The following F13A1 variants were observed in gnomAD, a reference collection of about 807,000 sequenced individuals.
F13A1 encodes the protein coagulation factor XIII A chain, also known as FSF, A subunit.
Under a neutral mutation model 80.1 loss-of-function variants are expected in F13A1, and 47 were observed. The ratio of observed to expected loss-of-function variants is 0.59; its 90% CI spans 0.46 to 0.75. F13A1 has a LOEUF of 0.75. Among genes scored for constraint, F13A1 ranks in the 30% least tolerant of loss-of-function variants. F13A1 has a pLI of 0.00. For missense variants in F13A1, 817 were observed against 930.4 expected (o/e 0.88, Z 1.59); for synonymous variants, 349 against 344.9 (o/e 1.01, Z -0.13).
intron 2 of F13A1, among the ~76,000 whole-genome samples, chr6:6,314,441 T>C (rs544002036): frequency 5.9e-5 from 9 of 152,298 alleles, no homozygotes; most frequent in Non-Finnish European, 1.2e-4. Context: ...TCTTTCATCT[T>C]TTAGTCCCTC....
At chr6:6,224,448 G>C (rs563661013) in intron 7 of F13A1, among the ~76,000 whole-genome samples, 2 of 152,048 alleles carry the variant, frequency 1.3e-5, no homozygotes, top group South Asian at 4.2e-4. Flanking sequence ...TTAAGTGATG[G>C]ATTACACAGG....
chr6:6,185,885 T>C (rs999398217), intron 10 of F13A1, among the ~76,000 whole-genome samples: 1 of 151,224 alleles, frequency 6.6e-6, no homozygotes, highest in African/African-American at 2.4e-5. Flanking sequence ...CAGCACCTGT[T>C]GTTTCCTGAC....
chr6:6,236,884 C>T (rs9504730), intron 6 of F13A1, among the ~76,000 whole-genome samples: 24,469 of 152,054 alleles, frequency 0.16, 2,493 homozygotes, highest in African/African-American at 0.26. Context: ...TGTAGAAAAT[C>T]GTTTCCAGGT....
At chr6:6,171,293 A>G (rs1434151096) in intron 12 of F13A1, among the ~76,000 whole-genome samples, 2 of 152,150 alleles carry the variant, frequency 1.3e-5, no homozygotes, top group Non-Finnish European at 2.9e-5. Flanking sequence ...TTTGCCTCTC[A>G]TTGCTGTGTG....
rs144367226 is a variant in F13A1, at chr6:6,177,077, G to T, written c.1460-2210C>A. Among the ~76,000 whole-genome samples the T allele has an allele frequency of 7.6e-3, 1,157 of 152,284 alleles. 15 individuals are homozygous for T. The highest frequency in any genetic ancestry group is 0.026 in the African/African-American group (1,076 of 41,556). ...ATTCCTGTTTCTCTACAGTTATGCT[G>T]CGTGCTCTGGCATCTTACATAATTC... On this transcript the variant is annotated intron_variant, in intron 11 of 14. Transcript: ENST00000264870.
At chr6:6,209,231 A>G (rs1761552194) in intron 8 of F13A1, among the ~76,000 whole-genome samples, 2 of 152,072 alleles carry the variant, frequency 1.3e-5, no homozygotes, top group Admixed American at 1.3e-4. Context: ...AAACACAAAA[A>G]GATGTTCAAC....
Position 6,288,445 on chromosome 6 carries a change from T to A in F13A1, c.319+16906A>T, listed in dbSNP as rs560964113. Among the ~76,000 whole-genome samples, 18 of 152,334 alleles carry A rather than the reference T, an allele frequency of 1.2e-4. No homozygotes were observed. In the South Asian group the frequency reaches 3.1e-3, roughly 26 times the overall value. ...AGTATTCATCTTTCTGTGCCTGGCT[T>A]ATTTCAGTTAGCATAGTGCTCTCCA... is the stretch of plus-strand genomic sequence containing the variant. On this transcript the variant is annotated intron_variant, in intron 3 of 14. Transcript: ENST00000264870.
intron 8 of F13A1, among the ~76,000 whole-genome samples, chr6:6,202,820 C>G (rs1213971207): frequency 6.6e-6 from 1 of 152,202 alleles, no homozygotes; most frequent in African/African-American, 2.4e-5. Flanking sequence ...TTTAGAACTC[C>G]TTTCAAGGAT....
At chr6:6,285,979 C>G (rs2154300) in intron 3 of F13A1, among the ~76,000 whole-genome samples, 12,640 of 152,322 alleles carry the variant, frequency 0.083, 679 homozygotes, top group Middle Eastern at 0.14. Flanking sequence ...GAGTACAACA[C>G]TAGTAAACGC....
At chr6:6,157,475 CA>C (rs1760496874) in intron 13 of F13A1, among the ~76,000 whole-genome samples, 1 of 151,764 alleles carries the variant, frequency 6.6e-6, no homozygotes, top group South Asian at 2.1e-4. Context: ...TTCTGAAATC[CA>C]GCAAAGAATC....
intron 3 of F13A1, among the ~76,000 whole-genome samples, chr6:6,277,473 G>C (rs1420943547): frequency 1.3e-5 from 2 of 150,762 alleles, no homozygotes; most frequent in African/African-American, 4.8e-5. Flanking sequence ...AATAAACTAT[G>C]TTCTAACTGC....
At chr6:6,312,459 C>T (rs1181023285) in intron 2 of F13A1, among the ~76,000 whole-genome samples, 1 of 93,710 alleles carries the variant, frequency 1.1e-5, no homozygotes, top group Admixed American at 1.1e-4. Flanking sequence ...ATCACGAGGT[C>T]AAGAGATGGA....
intron 8 of F13A1, among the ~76,000 whole-genome samples, chr6:6,211,235 G>A (rs559630827): frequency 6.4e-4 from 98 of 152,292 alleles, no homozygotes; most frequent in Non-Finnish European, 9.1e-4. Flanking sequence ...GTATTTTTGT[G>A]AACATGAGCT....
chr6:6,224,327 GTTAT>G (rs1267103884), intron 7 of F13A1, among the ~76,000 whole-genome samples: 9 of 152,144 alleles, frequency 5.9e-5, no homozygotes, highest in African/African-American at 1.2e-4. Context: ...TATATCTTTT[GTTAT>G]TTATTATTTT....
At chr6:6,264,647 T>G (rs528761052) in intron 4 of F13A1, among the ~76,000 whole-genome samples, 3 of 152,242 alleles carry the variant, frequency 2.0e-5, no homozygotes, top group Admixed American at 1.3e-4. Flanking sequence ...TTGTCATTTC[T>G]GCTGTCTATC....
chr6:6,194,337 G>A (rs59397417), intron 10 of F13A1, among the ~76,000 whole-genome samples: 3,779 of 152,232 alleles, frequency 0.025, 125 homozygotes, highest in African/African-American at 0.079. Context: ...TGGCGTTCTA[G>A]TGAGTCTGCA....
At chr6:6,183,366 AT>A (rs1761022193) in intron 10 of F13A1, among the ~76,000 whole-genome samples, 1 of 152,234 alleles carries the variant, frequency 6.6e-6, no homozygotes, top group African/African-American at 2.4e-5. Context: ...ATTGATAATA[AT>A]ATTGAATAGT....
At chr6:6,309,192 T>C (rs1758556489) in intron 2 of F13A1, among the ~76,000 whole-genome samples, 1 of 151,012 alleles carries the variant, frequency 6.6e-6, no homozygotes, top group Non-Finnish European at 1.5e-5. Context: ...GACATGGGTA[T>C]AAATGTTGAT....
chr6:6,219,923 A>G (rs1319760905), intron 8 of F13A1, among the ~76,000 whole-genome samples: 1 of 152,238 alleles, frequency 6.6e-6, no homozygotes, highest in African/African-American at 2.4e-5. Context: ...AATAGCAGCT[A>G]ACGTTCATTA....
Sources: gnomAD v4.1 joint callset for allele counts (sites outside exome capture counted in the v4.1 genomes callset) on GRCh38, gnomAD v4.1.1 for gene constraint, MANE v1.5 for transcripts, NCBI Gene and HGNC (gene_info 2026-07-23, HGNC 2026-07-21) for gene names.